Variants in YAF2 observed in about 807,000 individuals in gnomAD.
The protein encoded by YAF2 is YY1 associated factor 2.
Under a neutral mutation model 20.1 loss-of-function variants are expected in YAF2, and 7 were observed. The ratio of observed to expected loss-of-function variants is 0.35; its 90% CI spans 0.20 to 0.65. The LOEUF (loss-of-function observed/expected upper bound fraction) is 0.65, where lower values mean the gene tolerates loss of function less well. Ranked by LOEUF, YAF2 falls within the 30% of genes least tolerant of loss-of-function variation. YAF2 has a pLI of 0.69. For synonymous variants in YAF2, 74 were observed against 76.0 expected, an observed-to-expected ratio of 0.97 and a Z score of 0.14; for missense variants, 151 against 219.2, an observed-to-expected ratio of 0.69 and a Z score of 1.96.
intron 2 of YAF2, among the ~76,000 whole-genome samples, chr12:42,175,381 G>A (rs1297527043): frequency 2.0e-5 from 3 of 151,992 alleles, no homozygotes; most frequent in Non-Finnish European, 4.4e-5. Context: ...GTACAGGAGG[G>A]AGGAATTAAA....
At chr12:42,166,871 C>G (rs894092277) in intron 2 of YAF2, among the ~76,000 whole-genome samples, 2 of 150,840 alleles carry the variant, frequency 1.3e-5, no homozygotes, top group African/African-American at 4.9e-5. Context: ...AAAATACTGT[C>G]TCTACACTTT....
At chr12:42,214,265 C>T (rs1050502955) in intron 2 of YAF2, among the ~76,000 whole-genome samples, 7 of 152,150 alleles carry the variant, frequency 4.6e-5, no homozygotes, top group African/African-American at 1.7e-4. Context: ...AACTCTTTCA[C>T]AAATACCTCC....
At chr12:42,171,834 C>T (rs1024643923) in intron 2 of YAF2, among the ~76,000 whole-genome samples, 19 of 150,980 alleles carry the variant, frequency 1.3e-4, no homozygotes, top group Admixed American at 2.6e-4. Flanking sequence ...TGTACTGGTG[C>T]GTGCCTGTAG....
Position 42,237,616 on chromosome 12 carries a change from C to G in YAF2, c.135G>C (p.Arg45=). Residue 45 remains arginine (R), a synonymous_variant, in exon 2 of 4, where the codon CGG becomes CGC. Coordinates refer to ENST00000534854, the MANE Select transcript of YAF2 (RefSeq NM_005748.6). ...EAFKCMMCDV[R]KGTSTRKPRP... Reference sequence around the variant, plus strand: ...GGACTCACCGGGTGGAGGTGCCCTTCCGCACATCGCACATCATGCACTTGA... The same window carrying G: ...GGACTCACCGGGTGGAGGTGCCCTTGCGCACATCGCACATCATGCACTTGA... 1 of 1,544,170 alleles carries G rather than the reference C, an allele frequency of 6.5e-7. No individual in the cohort carries two copies. The highest frequency in any genetic ancestry group is 8.7e-7 in the Non-Finnish European group (1 of 1,145,224).
At chr12:42,191,107 T>C (rs1001226588) in intron 2 of YAF2, among the ~76,000 whole-genome samples, 1 of 152,192 alleles carries the variant, frequency 6.6e-6, no homozygotes, top group African/African-American at 2.4e-5. Context: ...CATATTTCTT[T>C]ATCACTTTGA....
chr12:42,205,870 TACA>T (rs369886858), intron 2 of YAF2: 14 of 415,360 alleles, frequency 3.4e-5, no homozygotes, highest in African/African-American at 2.9e-4. Flanking sequence ...CAAATTTTGA[TACA>T]ACACTTTTGT....
At chr12:42,185,648 A>G (rs1379785787) in intron 2 of YAF2, among the ~76,000 whole-genome samples, 1 of 152,218 alleles carries the variant, frequency 6.6e-6, no homozygotes, top group Non-Finnish European at 1.5e-5. Flanking sequence ...CTCCACCAGC[A>G]AAAAGATTAC....
intron 2 of YAF2, among the ~76,000 whole-genome samples, chr12:42,196,554 T>C (rs1414262039): frequency 6.6e-6 from 1 of 151,622 alleles, no homozygotes. Context: ...AGAACAAGAG[T>C]TGCAAGTTGA....
chr12:42,237,520 G>C, intron 2 of YAF2, 79 bp downstream of exon 2: 4 of 1,402,530 alleles, frequency 2.9e-6, no homozygotes, highest in Non-Finnish European at 3.7e-6. Flanking sequence ...AGTGTCATGG[G>C]AGGGGGCGGC....
intron 2 of YAF2, among the ~76,000 whole-genome samples, chr12:42,213,659 A>G (rs2067273208): frequency 6.6e-6 from 1 of 152,212 alleles, no homozygotes; most frequent in Non-Finnish European, 1.5e-5. Context: ...TTCCTCTATT[A>G]CATTTCAACA....
chr12:42,199,772 T>C (rs566804265), intron 2 of YAF2, among the ~76,000 whole-genome samples: 94 of 152,220 alleles, frequency 6.2e-4, no homozygotes, highest in Admixed American at 4.6e-4. Flanking sequence ...ACTATTCTAA[T>C]ATTAAAAGAC....
At position 42,237,586 on chromosome 12, in the gene YAF2, G is replaced by T. The variant is rs747744966; in HGVS notation, c.152+13C>A. ...CGCCGGCCGGCGGCGCGAGGGGCAGGCCCGGGACTCACCGGGTGGAGGTGC... is the reference window on the plus strand; with the variant it reads ...CGCCGGCCGGCGGCGCGAGGGGCAGTCCCGGGACTCACCGGGTGGAGGTGC... On this transcript the variant is annotated intron_variant, in intron 2 of 3. Transcript: ENST00000534854. The T allele has an allele frequency of 6.5e-7, 1 of 1,527,204 alleles. No individual in the cohort carries two copies. Among genetic ancestry groups the T allele is most frequent in the Non-Finnish European group, 8.8e-7 (1 of 1,135,890 alleles). The allele number at this position is 1,527,204 out of a possible 1,614,324, so 94.6% of individuals were successfully genotyped here.
At chr12:42,229,520 C>T (rs1359542527) in intron 2 of YAF2, among the ~76,000 whole-genome samples, 1 of 151,888 alleles carries the variant, frequency 6.6e-6, no homozygotes, top group Non-Finnish European at 1.5e-5. Context: ...CCCTGTAGGG[C>T]AGATAAGTGT....
chr12:42,202,585 A>AT (rs1228123900), intron 2 of YAF2, among the ~76,000 whole-genome samples: 1 of 152,218 alleles, frequency 6.6e-6, no homozygotes, highest in Non-Finnish European at 1.5e-5. Flanking sequence ...CATGTTATGC[A>AT]TAACAGTTTG....
At chr12:42,210,013 T>C in intron 2 of YAF2, among the ~76,000 whole-genome samples, 1 of 152,120 alleles carries the variant, frequency 6.6e-6, no homozygotes, top group Non-Finnish European at 1.5e-5. Context: ...GGTCAGGCTG[T>C]TCTCGAACTC....
chr12:42,209,708 A>T (rs1191256658), intron 2 of YAF2, among the ~76,000 whole-genome samples: 1 of 152,230 alleles, frequency 6.6e-6, no homozygotes, highest in Non-Finnish European at 1.5e-5. Flanking sequence ...CAAAAAAGCA[A>T]CATCATAAAG....
At chr12:42,233,414 T>C (rs1225393506) in intron 2 of YAF2, 1 of 983,218 alleles carries the variant, frequency 1.0e-6, no homozygotes, top group African/African-American at 1.7e-5. Flanking sequence ...CTAGATGAAG[T>C]ACCAATAAGA....
chr12:42,205,320 C>T (rs10880268), intron 2 of YAF2, among the ~76,000 whole-genome samples: 53,430 of 151,674 alleles, frequency 0.35, 9,737 homozygotes, highest in South Asian at 0.48. Flanking sequence ...CCGGAATCAA[C>T]TGCAAACAAC....
chr12:42,223,630 G>A (rs533414188), intron 2 of YAF2, among the ~76,000 whole-genome samples: 1 of 152,106 alleles, frequency 6.6e-6, no homozygotes, highest in African/African-American at 2.4e-5. Flanking sequence ...AAAAGTGCTG[G>A]GATTACAGGT....
Sources: allele counts gnomAD v4.1 joint callset (sites outside exome capture counted in the v4.1 genomes callset), GRCh38; gene constraint gnomAD v4.1.1; transcripts MANE v1.5; gene names NCBI Gene and HGNC (gene_info 2026-07-23, HGNC 2026-07-21).